RBM33: variants seen among roughly 807,000 people sequenced by gnomAD.
RBM33 encodes RNA-binding protein 33.
In RBM33, 28 loss-of-function variants were observed where a neutral mutation model predicts 132.6. The ratio of observed to expected loss-of-function variants is 0.21; its 90% CI spans 0.16 to 0.29. The LOEUF is 0.29. RBM33 is among the 10% of genes least tolerant of loss of function. RBM33 has a pLI of 1.00. For missense variants in RBM33, 1,291 were observed against 1,518.5 expected (o/e 0.85, Z 2.49); for synonymous variants, 634 against 593.0 (o/e 1.07, Z -1.01).
At chr7:155,711,592 G>C (rs763505171) in intron 8 of RBM33, 137 bp downstream of exon 8, 1 of 537,494 alleles carries the variant, frequency 1.9e-6, no homozygotes, top group Non-Finnish European at 3.0e-6. Flanking sequence ...ATCATCGTTC[G>C]AATGTTGAGA....
In RBM33 at chr7:155,706,845, C is replaced by T. The variant is rs780620615; in HGVS notation, c.740-15C>T. ...TCTCGGAAAGTAACTAACACATACACATTTTTTCACATAGAGCTTTCAGCA... is the reference window on the plus strand; with the variant it reads ...TCTCGGAAAGTAACTAACACATACATATTTTTTCACATAGAGCTTTCAGCA... On this transcript the variant is annotated splice_polypyrimidine_tract_variant and intron_variant, in intron 6 of 17. Transcript: ENST00000401878. The T allele has an allele frequency of 1.6e-5, 26 of 1,582,434 alleles. No homozygotes were observed. The South Asian group carries it at 3.0e-4, about 18-fold the overall frequency.
chr7:155,761,755 C>G (rs1323105182), intron 14 of RBM33, among the ~76,000 whole-genome samples: 1 of 151,894 alleles, frequency 6.6e-6, no homozygotes, highest in East Asian at 1.9e-4. Context: ...TGTCTTTTTT[C>G]TGTTTACCAT....
chr7:155,649,122 T>C (rs1798286379), intron 1 of RBM33, among the ~76,000 whole-genome samples: 1 of 152,206 alleles, frequency 6.6e-6, no homozygotes, highest in Admixed American at 6.5e-5. Flanking sequence ...GGGACTCCCA[T>C]AATGCATAGA....
intron 11 of RBM33, 24 bp downstream of exon 11, chr7:155,738,427 CA>C: frequency 6.3e-7 from 1 of 1,577,488 alleles, no homozygotes; most frequent in Non-Finnish European, 8.6e-7. Flanking sequence ...AGTGAACCTC[CA>C]GGGAAAAAAT....
Position 155,708,200 on chromosome 7 carries a change from A to G in RBM33, c.948+1132A>G, listed in dbSNP as rs150937987. ...TTTTTGTTTTAGCATGAGAATTCCA[A>G]CTCTGATATGTAAAGGGAGAGGAGT... On this transcript the variant is annotated intron_variant, in intron 7 of 17. Transcript: ENST00000401878. Among the ~76,000 whole-genome samples the G allele has an allele frequency of 8.5e-5, 13 of 152,342 alleles. No homozygotes were observed. The East Asian group carries it at 1.9e-3, about 23-fold the overall frequency.
chr7:155,697,531 T>G, intron 5 of RBM33, among the ~76,000 whole-genome samples: 1 of 152,150 alleles, frequency 6.6e-6, no homozygotes, highest in Non-Finnish European at 1.5e-5. Context: ...GTGAGCTTTT[T>G]GTAAGCAATG....
At chr7:155,754,537 T>C (rs1303295167) in intron 14 of RBM33, among the ~76,000 whole-genome samples, 3 of 152,232 alleles carry the variant, frequency 2.0e-5, no homozygotes, top group Non-Finnish European at 4.4e-5. Flanking sequence ...TGGCTTACTT[T>C]AGTAATCCTT....
intron 5 of RBM33, among the ~76,000 whole-genome samples, chr7:155,689,682 T>C (rs902327207): frequency 6.6e-6 from 1 of 152,256 alleles, no homozygotes; most frequent in African/African-American, 2.4e-5. Flanking sequence ...GTCTTTGTTC[T>C]CATAGGTTTC....
intron 3 of RBM33, among the ~76,000 whole-genome samples, chr7:155,678,127 C>G (rs2113586): frequency 2.6e-5 from 4 of 152,016 alleles, no homozygotes; most frequent in Non-Finnish European, 4.4e-5. Context: ...GTGATCTGTA[C>G]TGGAAAAACC....
At position 155,665,765 on chromosome 7, in the gene RBM33, G is replaced by C. The variant is rs566698035; in HGVS notation, c.122+512G>C. 2.6e-5 allele frequency among the ~76,000 whole-genome samples: 4 copies of C among 152,310 alleles called. No homozygotes were observed. The East Asian group carries it at 7.7e-4, about 29-fold the overall frequency. On this transcript the variant is annotated intron_variant, in intron 2 of 17. Transcript: ENST00000401878. ...ACACAATTTAAAAATCCACAGTGAT[G>C]ATAGATGGTAGTTTGATATAGTGGT...
chr7:155,762,565 T>G (rs1415452985), intron 14 of RBM33, among the ~76,000 whole-genome samples: 1 of 152,240 alleles, frequency 6.6e-6, no homozygotes, highest in Non-Finnish European at 1.5e-5. Flanking sequence ...ATCTCATCTT[T>G]TCTTGAGTCC....
chr7:155,713,901 A>C (rs1490346206), intron 8 of RBM33, among the ~76,000 whole-genome samples: 1 of 152,058 alleles, frequency 6.6e-6, no homozygotes, highest in Non-Finnish European at 1.5e-5. Context: ...GGGGAGGAGC[A>C]GGGAGTCCTC....
At position 155,694,341 on chromosome 7, in the gene RBM33, T is replaced by C. The variant is rs945596050; in HGVS notation, c.568-6432T>C. Among the ~76,000 whole-genome samples, 7 of 152,210 alleles carry C rather than the reference T, an allele frequency of 4.6e-5. 1 individual carries two copies. The highest frequency in any genetic ancestry group is 4.6e-4 in the Admixed American group (7 of 15,278). The stretch of plus-strand genomic sequence containing the variant: ...ATTAGTGCTAGTTATGCTATTGTCT[T>C]CTAACATAGTTATTTAAAAAGACTT... On this transcript the variant is annotated intron_variant, in intron 5 of 17. Coordinates refer to ENST00000401878, the MANE Select transcript of RBM33 (RefSeq NM_053043.3).
In RBM33 at chr7:155,766,620, C is replaced by A; in HGVS notation, c.3340C>A (p.Leu1114Met). 2 of 1,612,178 alleles carry A rather than the reference C, an allele frequency of 1.2e-6. No homozygotes were observed. Among genetic ancestry groups the A allele is most frequent in the Non-Finnish European group, 1.7e-6 (2 of 1,179,164 alleles). ...GTCCTCGTCCACCACGGATGCCCAG[C>A]TGAAGAGCCTGCTGATGTCAGTGGG... ...GLSSSTTDAQ[L>M]KSLLMSVGPI... is the part of the protein sequence containing the mutation. The change falls in exon 16 of 18, where the codon CTG (leucine) becomes ATG (methionine). Residue 1114 changes from leucine (L) to methionine (M), a missense_variant. Transcript: ENST00000401878.
Position 155,739,997 on chromosome 7 carries a change from C to T in RBM33, c.2020C>T (p.Gln674Ter). The T allele has an allele frequency of 6.4e-7, 1 of 1,560,056 alleles. No individual in the cohort carries two copies. Among genetic ancestry groups the T allele is most frequent in the South Asian group, 1.2e-5 (1 of 83,954 alleles). ...GCCTCAGGCCAGCAGCAGCCGGATG[C>T]AGTGCCCCCAGCGCCAGGGGCTCCG... ...AQPQASSSRM[Q>*]CPQRQGLRHN... Residue 674 changes from glutamine (Q) to a stop codon, truncating the protein, a stop_gained, in exon 12 of 18, where the codon CAG becomes TAG. Transcript: ENST00000401878. LOFTEE classifies it high-confidence loss of function.
At chr7:155,713,619 G>C (rs950879886) in intron 8 of RBM33, among the ~76,000 whole-genome samples, 1 of 152,178 alleles carries the variant, frequency 6.6e-6, no homozygotes, top group East Asian at 1.9e-4. Flanking sequence ...CACTTGGGGC[G>C]GGGCTGGTGA....
At chr7:155,727,688 A>T (rs1322405107) in intron 9 of RBM33, among the ~76,000 whole-genome samples, 1 of 152,262 alleles carries the variant, frequency 6.6e-6, no homozygotes, top group Non-Finnish European at 1.5e-5. Context: ...CTATTAGAGC[A>T]GTGGCAAGCC....
chr7:155,756,657 A>T (rs1801860947), intron 14 of RBM33, among the ~76,000 whole-genome samples: 2 of 152,118 alleles, frequency 1.3e-5, no homozygotes, highest in Admixed American at 1.3e-4. Context: ...TGGGATCGTG[A>T]TGTTTAATCT....
intron 2 of RBM33, among the ~76,000 whole-genome samples, chr7:155,668,156 A>G (rs893662779): frequency 6.6e-6 from 1 of 152,184 alleles, no homozygotes; most frequent in Non-Finnish European, 1.5e-5. Flanking sequence ...AGACGCATAT[A>G]TATCTACATA....
Sources: gnomAD v4.1 joint callset for allele counts (sites outside exome capture counted in the v4.1 genomes callset) on GRCh38, gnomAD v4.1.1 for gene constraint, MANE v1.5 for transcripts, NCBI Gene and HGNC (gene_info 2026-07-23, HGNC 2026-07-21) for gene names.